The following ZEB1 variants were observed in gnomAD, a reference collection of about 807,000 sequenced individuals.
The protein encoded by ZEB1 is zinc finger E-box-binding homeobox 1.
ZEB1 carries 21 observed loss-of-function variants against 84.9 expected under a neutral mutation model. The observed-to-expected ratio is 0.25, with a 90% CI of 0.18 to 0.36. ZEB1 has a LOEUF of 0.36. ZEB1 is among the 10% of genes least tolerant of loss of function. The probability of loss-of-function intolerance (pLI) is 1.00; values close to 1 mark genes in which losing one functional copy is unlikely to be tolerated. For missense variants in ZEB1, 1,104 were observed against 1,330.2 expected (o/e 0.83, Z 2.65); for synonymous variants, 420 against 471.1 (o/e 0.89, Z 1.41).
rs769717555 is a variant in ZEB1 at position 31,460,502 on chromosome 10, A to C, written c.59-535A>C. On this transcript the variant is annotated intron_variant, in intron 1 of 8. Transcript: ENST00000424869. ...GTTAGGAAAGATGGCCTCTTTTCTT[A>C]AGTTGCAATCCTTTAAGGATTCAAA... 3.3e-5 allele frequency among the ~76,000 whole-genome samples: 5 copies of C among 152,114 alleles called. No homozygotes were observed. The South Asian group carries it at 1.0e-3, about 32-fold the overall frequency.
chr10:31,443,204 C>G lies in ZEB1; in HGVS notation c.59-17833C>G, dbSNP rs115088272. Among the ~76,000 whole-genome samples, 1,066 of 152,160 alleles carry G rather than the reference C, an allele frequency of 7.0e-3. 11 individuals are homozygous for G. The highest frequency in any genetic ancestry group is 0.024 in the African/African-American group (976 of 41,468). ...TGTGTGCGAATTGCTTGTGCATATT[C>G]TTACTGGGTGGTTCATCTTATGAGT... On this transcript the variant is annotated intron_variant, in intron 1 of 8. Transcript: ENST00000424869.
chr10:31,474,166 T>G, intron 2 of ZEB1, among the ~76,000 whole-genome samples: 1 of 152,154 alleles, frequency 6.6e-6, no homozygotes, highest in Non-Finnish European at 1.5e-5. Flanking sequence ...ACTTCATGTC[T>G]AAAACACCAA....
intron 3 of ZEB1, among the ~76,000 whole-genome samples, chr10:31,501,448 T>C (rs990920440): frequency 4.6e-5 from 7 of 152,240 alleles, no homozygotes; most frequent in Admixed American, 3.9e-4. Context: ...GCTTGTTTTA[T>C]ATGAATACTA....
At chr10:31,335,827 C>T (rs137885859) in intron 1 of ZEB1, among the ~76,000 whole-genome samples, 70 of 152,206 alleles carry the variant, frequency 4.6e-4, no homozygotes, top group Middle Eastern at 3.4e-3. Context: ...TTATTATTTG[C>T]AGATTATATG....
intron 1 of ZEB1, chr10:31,387,863 A>C: frequency 1.3e-5 from 9 of 676,038 alleles, no homozygotes; most frequent in Non-Finnish European, 1.6e-5. Flanking sequence ...AACTTGAAAA[A>C]ATTACTTAAA....
At chr10:31,457,603 T>C (rs1591490816) in intron 1 of ZEB1, among the ~76,000 whole-genome samples, 1 of 152,234 alleles carries the variant, frequency 6.6e-6, no homozygotes, top group Non-Finnish European at 1.5e-5. Flanking sequence ...ATCTCTGTGT[T>C]TTGGATTTAT....
chr10:31,447,090 G>T (rs1202361674), intron 1 of ZEB1, among the ~76,000 whole-genome samples: 8 of 149,092 alleles, frequency 5.4e-5, no homozygotes, highest in Middle Eastern at 7.0e-3. Flanking sequence ...TTATGAATCT[G>T]GGTGCTCCTG....
At chr10:31,377,181 A>G (rs1168228925) in intron 1 of ZEB1, among the ~76,000 whole-genome samples, 1 of 150,026 alleles carries the variant, frequency 6.7e-6, no homozygotes, top group East Asian at 2.0e-4. Flanking sequence ...ATGGTTTCCC[A>G]TGACCACAAT....
At chr10:31,337,448 A>G (rs1187539416) in intron 1 of ZEB1, among the ~76,000 whole-genome samples, 1 of 152,068 alleles carries the variant, frequency 6.6e-6, no homozygotes, top group South Asian at 2.1e-4. Flanking sequence ...TTTGATATTA[A>G]TAATTACTGA....
intron 2 of ZEB1, among the ~76,000 whole-genome samples, chr10:31,466,690 C>T (rs2062471311): frequency 6.6e-6 from 1 of 151,844 alleles, no homozygotes; most frequent in Non-Finnish European, 1.5e-5. Flanking sequence ...TAATATTGGA[C>T]CTCATGGAAC....
intron 2 of ZEB1, among the ~76,000 whole-genome samples, chr10:31,469,359 C>A (rs530309377): frequency 6.6e-6 from 1 of 152,254 alleles, no homozygotes; most frequent in South Asian, 2.1e-4. Flanking sequence ...GTGCGCGCAC[C>A]ATGCGTGAGC....
chr10:31,510,494 T>C (rs557980983), intron 4 of ZEB1, among the ~76,000 whole-genome samples, 179 bp from the exon 5 acceptor site: 2 of 152,332 alleles, frequency 1.3e-5, no homozygotes, highest in African/African-American at 4.8e-5. Context: ...TTATTTAACC[T>C]TCCTGGAAAC....
chr10:31,510,676 C>T lies in ZEB1; in HGVS notation c.488C>T (p.Thr163Ile). The T allele has an allele frequency of 6.2e-7, 1 of 1,612,464 alleles. No homozygotes were observed. Among genetic ancestry groups the T allele is most frequent in the Non-Finnish European group, 8.5e-7 (1 of 1,178,854 alleles). ...ATATATGATCTTTCTTTTACAGGAACACCAGATGCATTTTCACAATTACTC... is the reference window on the plus strand; with the variant it reads ...ATATATGATCTTTCTTTTACAGGAATACCAGATGCATTTTCACAATTACTC... ...PEASGHDENG[T>I]PDAFSQLLTC... Residue 163 changes from threonine to isoleucine, a missense_variant, in exon 5 of 9, where the codon ACA (threonine) becomes ATA (isoleucine). Thr to Ile is a moderately conservative substitution (Grantham distance 89). This residue lies in a region of ZEB1 where 71 missense variants were observed against 119.1 expected (regional missense o/e 0.60). Coordinates refer to ENST00000424869, the MANE Select transcript of ZEB1 (RefSeq NM_001174096.2).
At chr10:31,432,165 A>G (rs2057790658) in intron 1 of ZEB1, among the ~76,000 whole-genome samples, 1 of 152,214 alleles carries the variant, frequency 6.6e-6, no homozygotes, top group East Asian at 1.9e-4. Context: ...GTCCGGTAGA[A>G]CTTTCTTGGA....
chr10:31,516,695 A>G (rs770423151), intron 6 of ZEB1, among the ~76,000 whole-genome samples: 7 of 152,076 alleles, frequency 4.6e-5, no homozygotes, highest in South Asian at 2.1e-4. Context: ...ATCCTCAGAA[A>G]TATCCTTAAA....
Position 31,527,075 on chromosome 10 carries a change from T to A in ZEB1, c.3189T>A (p.Asp1063Glu), listed in dbSNP as rs768754218. The A allele has an allele frequency of 1.5e-5, 24 of 1,584,436 alleles. No individual in the cohort carries two copies. Among genetic ancestry groups the A allele is most frequent in the Non-Finnish European group, 1.9e-5 (22 of 1,163,264 alleles). The change falls in exon 9 of 9, where the codon GAT becomes GAA. Residue 1063 changes from aspartate (D) to glutamate (E), a missense_variant. Physicochemically the swap from Asp to Glu is conservative, Grantham distance 45. Coordinates refer to ENST00000424869, the MANE Select transcript of ZEB1 (RefSeq NM_001174096.2). The stretch of plus-strand genomic sequence containing the variant: ...AAGAATGTGAAAAACCACAAGGGGA[T>A]GAGGAAGAGGAGGAGGAGGAGGAAG... ...EEKECEKPQG[D>E]EEEEEEEEEV...
intron 2 of ZEB1, among the ~76,000 whole-genome samples, chr10:31,481,742 T>C (rs2065069255): frequency 6.6e-6 from 1 of 151,984 alleles, no homozygotes; most frequent in South Asian, 2.1e-4. Flanking sequence ...CAATAGCCAA[T>C]TCTGGAGCAA....
At chr10:31,402,307 G>A (rs1254451501) in intron 1 of ZEB1, among the ~76,000 whole-genome samples, 1 of 151,956 alleles carries the variant, frequency 6.6e-6, no homozygotes, top group Non-Finnish European at 1.5e-5. Context: ...TGATAAAGAA[G>A]ATGTAAAATA....
Position 31,527,498 on chromosome 10 carries a change from A to G in ZEB1, c.*234A>G, listed in dbSNP as rs747547655. Reference sequence around the variant, plus strand: ...TGAACCTCAGACCTAGTAATTTTTCATGCAGTTTTCAAAGTTAGGAACAAG... The same window carrying G: ...TGAACCTCAGACCTAGTAATTTTTCGTGCAGTTTTCAAAGTTAGGAACAAG... On this transcript the variant is annotated 3_prime_UTR_variant, in exon 9 of 9. Coordinates refer to ENST00000424869, the MANE Select transcript of ZEB1 (RefSeq NM_001174096.2). 1.6e-5 allele frequency: 9 copies of G among 554,776 alleles called. No individual in the cohort carries two copies. The highest frequency in any genetic ancestry group is 3.8e-5 in the African/African-American group (2 of 53,156). 34.4% of individuals were successfully genotyped at this position (554,776 alleles called of 1,614,324 possible). A position where few individuals can be genotyped will look rare whatever the true frequency, so the allele number is the denominator to read the frequency against.
Sources: allele counts gnomAD v4.1 joint callset (sites outside exome capture counted in the v4.1 genomes callset), GRCh38; gene constraint gnomAD v4.1.1; regional missense constraint gnomAD v4.1.1; transcripts MANE v1.5; gene names NCBI Gene and HGNC (gene_info 2026-07-23, HGNC 2026-07-21).